The following DENND1B variants were observed in gnomAD, a reference collection of about 807,000 sequenced individuals.
DENND1B encodes DENN domain-containing protein 1B.
Under a neutral mutation model 90.1 loss-of-function variants are expected in DENND1B, and 59 were observed. The observed-to-expected ratio is 0.65, with a 90% CI of 0.53 to 0.81. The LOEUF is 0.81. DENND1B is among the 40% of genes least tolerant of loss of function. The probability of loss-of-function intolerance (pLI) is 0.00; values close to 1 mark genes in which losing one functional copy is unlikely to be tolerated. For synonymous variants in DENND1B, 337 were observed against 324.6 expected (o/e 1.04, Z -0.41); for missense variants, 862 against 912.6 (o/e 0.94, Z 0.71).
chr1:197,553,510 G>A (rs892432381), intron 15 of DENND1B, among the ~76,000 whole-genome samples: 2 of 152,078 alleles, frequency 1.3e-5, no homozygotes, highest in Admixed American at 6.6e-5. Flanking sequence ...GTCTTCCCCA[G>A]CCAGGCCTGT....
intron 19 of DENND1B, 61 bp downstream of exon 19, chr1:197,540,898 G>C (rs899311278): frequency 6.8e-7 from 1 of 1,460,242 alleles, no homozygotes; most frequent in Non-Finnish European, 9.5e-7. Flanking sequence ...TAATTTGGAA[G>C]TATAAACTTC....
chr1:197,523,590 C>A (rs188041097), intron 20 of DENND1B, among the ~76,000 whole-genome samples: 4 of 152,122 alleles, frequency 2.6e-5, no homozygotes, highest in Non-Finnish European at 4.4e-5. Context: ...CTGCTGATAG[C>A]TCAGAGTGAA....
intron 20 of DENND1B, among the ~76,000 whole-genome samples, chr1:197,517,294 C>T (rs1668467357): frequency 6.6e-6 from 1 of 151,846 alleles, no homozygotes; most frequent in Non-Finnish European, 1.5e-5. Flanking sequence ...TAACTATTTG[C>T]TGATGAAAAG....
intron 5 of DENND1B, among the ~76,000 whole-genome samples, chr1:197,670,981 T>C (rs1655449559): frequency 6.6e-6 from 1 of 152,152 alleles, no homozygotes; most frequent in African/African-American, 2.4e-5. Flanking sequence ...TCTAAAGCAG[T>C]TAAGCACTTA....
At chr1:197,592,348 A>G (rs1052062341) in intron 14 of DENND1B, among the ~76,000 whole-genome samples, 1 of 152,124 alleles carries the variant, frequency 6.6e-6, no homozygotes, top group African/African-American at 2.4e-5. Flanking sequence ...ACTTATCTAA[A>G]GGGCCTATCA....
chr1:197,762,259 T>G (rs142594134), intron 2 of DENND1B, among the ~76,000 whole-genome samples: 1 of 152,074 alleles, frequency 6.6e-6, no homozygotes, highest in Non-Finnish European at 1.5e-5. Flanking sequence ...CCAAAAGGCT[T>G]ATTAGTCAGC....
chr1:197,543,655 C>CA (rs1411732093), intron 18 of DENND1B, among the ~76,000 whole-genome samples: 17 of 151,976 alleles, frequency 1.1e-4, no homozygotes, highest in Non-Finnish European at 1.5e-4. Context: ...ATAGAACAAC[C>CA]AAAAAAAACG....
intron 20 of DENND1B, among the ~76,000 whole-genome samples, chr1:197,521,640 T>C (rs997613562): frequency 6.6e-6 from 1 of 151,932 alleles, no homozygotes; most frequent in South Asian, 2.1e-4. Flanking sequence ...TGAAATAATA[T>C]GTGAATAAAT....
At chr1:197,590,936 C>G (rs1675146651) in intron 14 of DENND1B, among the ~76,000 whole-genome samples, 1 of 152,152 alleles carries the variant, frequency 6.6e-6, no homozygotes, top group African/African-American at 2.4e-5. Flanking sequence ...GTCTAATATA[C>G]AACACTAAGC....
chr1:197,709,906 A>C (rs1659941437), intron 3 of DENND1B, among the ~76,000 whole-genome samples: 1 of 122,994 alleles, frequency 8.1e-6, no homozygotes, highest in Non-Finnish European at 1.7e-5. Flanking sequence ...AATGGAAAAC[A>C]AAAAAAGGCA....
intron 20 of DENND1B, among the ~76,000 whole-genome samples, chr1:197,527,181 C>A (rs1422888285): frequency 2.6e-5 from 4 of 151,878 alleles, no homozygotes; most frequent in Middle Eastern, 6.3e-3. Context: ...CTACATATAT[C>A]TTTGGAACGC....
intron 15 of DENND1B, among the ~76,000 whole-genome samples, chr1:197,553,424 C>T (rs1258187216): frequency 6.6e-6 from 1 of 152,122 alleles, no homozygotes; most frequent in Non-Finnish European, 1.5e-5. Flanking sequence ...GGATAGGTTG[C>T]TCAATGCACA....
At chr1:197,544,524 A>C (rs1243360184) in intron 18 of DENND1B, among the ~76,000 whole-genome samples, 1 of 152,090 alleles carries the variant, frequency 6.6e-6, no homozygotes, top group Non-Finnish European at 1.5e-5. Flanking sequence ...TATTTACTTT[A>C]TTATTCTTAC....
intron 13 of DENND1B, among the ~76,000 whole-genome samples, chr1:197,595,720 T>C (rs1675627142): frequency 6.6e-6 from 1 of 152,118 alleles, no homozygotes; most frequent in African/African-American, 2.4e-5. Flanking sequence ...AGGTTATTTG[T>C]TACAGGTCCT....
At chr1:197,773,154 C>T (rs771556086) in intron 1 of DENND1B, 3 of 531,300 alleles carry the variant, frequency 5.6e-6, no homozygotes, top group Admixed American at 3.1e-5. Flanking sequence ...AGCATTTAAA[C>T]GCTGAGACTG....
intron 1 of DENND1B, among the ~76,000 whole-genome samples, chr1:197,774,206 A>G (rs1401497073): frequency 6.6e-6 from 1 of 152,170 alleles, no homozygotes; most frequent in Non-Finnish European, 1.5e-5. Context: ...TAATTCTATT[A>G]CATAATTTCC....
intron 7 of DENND1B, among the ~76,000 whole-genome samples, chr1:197,649,254 G>A (rs954633192): frequency 1.3e-5 from 2 of 152,238 alleles, no homozygotes; most frequent in East Asian, 1.9e-4. Context: ...CCTGGCCAAC[G>A]TTTTAACAAA....
chr1:197,720,004 G>C (rs772110208), intron 2 of DENND1B, among the ~76,000 whole-genome samples: 4 of 152,116 alleles, frequency 2.6e-5, no homozygotes, highest in African/African-American at 9.7e-5. Context: ...AATGCTTTCT[G>C]TGTATGATCA....
intron 4 of DENND1B, among the ~76,000 whole-genome samples, chr1:197,672,611 A>G (rs1655628034): frequency 6.6e-6 from 1 of 152,052 alleles, no homozygotes; most frequent in South Asian, 2.1e-4. Context: ...AACTCTGTTT[A>G]ATTGCTTCTC....
Sources: gnomAD v4.1 joint callset for allele counts (sites outside exome capture counted in the v4.1 genomes callset) on GRCh38, gnomAD v4.1.1 for gene constraint, MANE v1.5 for transcripts, NCBI Gene and HGNC (gene_info 2026-07-23, HGNC 2026-07-21) for gene names.